The following OR2L13 variants were observed in gnomAD, a reference collection of about 807,000 sequenced individuals.
OR2L13 encodes olfactory receptor family 2 subfamily L member 13.
OR2L13 carries 14 observed loss-of-function variants against 15.3 expected under a neutral mutation model. The observed-to-expected ratio is 0.91, with a 90% CI of 0.60 to 1.43. The LOEUF (loss-of-function observed/expected upper bound fraction) is 1.43, where lower values mean the gene tolerates loss of function less well. Among genes scored for constraint, OR2L13 ranks in the 40% most tolerant of loss-of-function variants. The pLI, the probability that OR2L13 is intolerant of heterozygous loss-of-function variation, is 0.00. For missense variants in OR2L13, 367 were observed against 387.9 expected, an observed-to-expected ratio of 0.95 and a Z score of 0.45; for synonymous variants, 152 against 142.9, an observed-to-expected ratio of 1.06 and a Z score of -0.45.
chr1:247,958,158 T>A, the OR2L13 span, among the ~76,000 whole-genome samples: 1 of 152,202 alleles, frequency 6.6e-6, no homozygotes, highest in Non-Finnish European at 1.5e-5. Context: ...TTCTTGTTGG[T>A]TTCAAAGAAC....
At chr1:247,984,550 A>G in the OR2L13 span, among the ~76,000 whole-genome samples, 1 of 152,174 alleles carries the variant, frequency 6.6e-6, no homozygotes, top group East Asian at 1.9e-4. Flanking sequence ...TCCAAATGAC[A>G]TATGTGAAAA....
chr1:248,061,187 A>G, the OR2L13 span: 245,395 of 1,477,130 alleles, frequency 0.17, 32,650 homozygotes, highest in African/African-American at 0.65. Flanking sequence ...CCTTATTGCC[A>G]ATCCAGGGCC....
chr1:248,021,920 C>T, the OR2L13 span: 3 of 1,569,528 alleles, frequency 1.9e-6, no homozygotes, highest in Admixed American at 1.7e-5. Context: ...CTTGTGTCTC[C>T]CTTCAGGAAG....
the OR2L13 span, among the ~76,000 whole-genome samples, chr1:248,007,284 A>G: frequency 6.6e-6 from 1 of 152,164 alleles, no homozygotes; most frequent in Non-Finnish European, 1.5e-5. Context: ...TTTCATGCCA[A>G]TGACTCTGGC....
chr1:248,068,500 A>G, the OR2L13 span, among the ~76,000 whole-genome samples: 1 of 152,186 alleles, frequency 6.6e-6, no homozygotes, highest in African/African-American at 2.4e-5. Context: ...CCATCTGTAC[A>G]TCACCATCAT....
the OR2L13 span, among the ~76,000 whole-genome samples, chr1:247,953,202 C>T: frequency 2.0e-5 from 3 of 148,290 alleles, no homozygotes; most frequent in Non-Finnish European, 2.9e-5. Flanking sequence ...GGGAAATTAA[C>T]GAATTCATTA....
the OR2L13 span, among the ~76,000 whole-genome samples, chr1:247,991,739 T>C: frequency 6.7e-6 from 1 of 149,882 alleles, no homozygotes; most frequent in South Asian, 2.1e-4. Flanking sequence ...AACGGGTCTA[T>C]TTAGCATGAC....
At chr1:248,060,733 C>A in the OR2L13 span, 1 of 1,614,014 alleles carries the variant, frequency 6.2e-7, no homozygotes, top group Non-Finnish European at 8.5e-7. Context: ...AGGATTCTTC[C>A]CACCATCAAG....
chr1:248,071,301 G>C, the OR2L13 span, among the ~76,000 whole-genome samples: 1 of 152,024 alleles, frequency 6.6e-6, no homozygotes, highest in Non-Finnish European at 1.5e-5. Flanking sequence ...CTTCATCCCT[G>C]GGATGCAAGG....
At chr1:248,008,913 T>C in the OR2L13 span, among the ~76,000 whole-genome samples, 1 of 152,066 alleles carries the variant, frequency 6.6e-6, no homozygotes, top group Non-Finnish European at 1.5e-5. Context: ...ACATGGAAAC[T>C]GAACAACCTG....
the OR2L13 span, among the ~76,000 whole-genome samples, chr1:248,044,256 G>A: frequency 6.6e-6 from 1 of 151,956 alleles, no homozygotes; most frequent in East Asian, 1.9e-4. Context: ...TCTTTTTTCT[G>A]TCCTTCAATC....
At chr1:247,942,406 C>T in the OR2L13 span, among the ~76,000 whole-genome samples, 2 of 152,174 alleles carry the variant, frequency 1.3e-5, no homozygotes, top group East Asian at 1.9e-4. Context: ...AGTGGGTCCA[C>T]GGAACCAGTG....
chr1:247,947,992 G>A, the OR2L13 span, among the ~76,000 whole-genome samples: 3 of 152,136 alleles, frequency 2.0e-5, no homozygotes, highest in South Asian at 6.2e-4. Context: ...GAGACAGGAG[G>A]ATTACTGAGG....
the OR2L13 span, among the ~76,000 whole-genome samples, chr1:247,946,172 AC>A: frequency 8.5e-5 from 13 of 152,198 alleles, no homozygotes; most frequent in African/African-American, 3.1e-4. Flanking sequence ...GTATAGAAGT[AC>A]AGCAGGTTTT....
the OR2L13 span, among the ~76,000 whole-genome samples, chr1:247,938,197 C>A: frequency 6.6e-6 from 1 of 151,980 alleles, no homozygotes; most frequent in African/African-American, 2.4e-5. Context: ...AGTCTCCTAT[C>A]CCTGGTGTGC....
the OR2L13 span, among the ~76,000 whole-genome samples, chr1:248,059,740 G>A: frequency 6.6e-6 from 1 of 152,180 alleles, no homozygotes; most frequent in Admixed American, 6.5e-5. Context: ...AGTTTTAGAA[G>A]TAAATCTGGC....
chr1:248,099,619 T>G (rs779701345), exon 3 of OR2L13: 1 of 1,614,126 alleles, frequency 6.2e-7, no homozygotes, highest in Non-Finnish European at 8.5e-7. Flanking sequence ...CAAGATGGCG[T>G]ACAACTTCCT....
At chr1:248,068,625 C>A in the OR2L13 span, among the ~76,000 whole-genome samples, 1 of 152,178 alleles carries the variant, frequency 6.6e-6, no homozygotes, top group East Asian at 1.9e-4. Context: ...CAAAGCTGGA[C>A]GGAGACTGAC....
the OR2L13 span, among the ~76,000 whole-genome samples, chr1:247,966,930 A>T: frequency 3.9e-5 from 6 of 152,188 alleles, no homozygotes; most frequent in Admixed American, 6.5e-5. Flanking sequence ...AGGGAAAATC[A>T]TGACAGGTGG....
Sources: gnomAD v4.1 joint callset for allele counts (sites outside exome capture counted in the v4.1 genomes callset) on GRCh38, gnomAD v4.1.1 for gene constraint, MANE v1.5 for transcripts, NCBI Gene and HGNC (gene_info 2026-07-23, HGNC 2026-07-21) for gene names.